H6PD: variants seen among roughly 807,000 people sequenced by gnomAD.
H6PD encodes GDH/6PGL endoplasmic bifunctional protein.
Under a neutral mutation model 61.2 loss-of-function variants are expected in H6PD, and 48 were observed. That is an observed-to-expected ratio of 0.78 (90% CI 0.62 to 1.00). H6PD has a LOEUF of 1.00. Ranked by LOEUF, H6PD falls within the 50% of genes least tolerant of loss-of-function variation. The pLI, the probability that H6PD is intolerant of heterozygous loss-of-function variation, is 0.00. For synonymous variants in H6PD, 480 were observed against 457.9 expected, an observed-to-expected ratio of 1.05 and a Z score of -0.62; for missense variants, 1,093 against 1,065.0, an observed-to-expected ratio of 1.03 and a Z score of -0.37.
chr1:9,264,408 CA>C lies in H6PD; in HGVS notation c.1916del (p.His639ProfsTer80). On this transcript the variant is annotated frameshift_variant, in exon 5 of 5. Transcript: ENST00000377403. LOFTEE classifies it high-confidence loss of function. ...GTCCAACTTCCAGGGCCTGCAGGCCCACCTGCTGCAGCACGTCCGGATCCCC... is the reference window on the plus strand; with the variant it reads ...GTCCAACTTCCAGGGCCTGCAGGCCCCCTGCTGCAGCACGTCCGGATCCCC... ...PESNFQGLQA[H>X]LLQHVRIPYY... 6.2e-7 allele frequency: 1 copy of C among 1,612,968 alleles called. No homozygotes were observed. Among genetic ancestry groups the C allele is most frequent in the Non-Finnish European group, 8.5e-7 (1 of 1,179,832 alleles).
rs981951648 is a variant in H6PD at position 9,244,923 on chromosome 1, A to G, written c.-10-2A>G. On this transcript the variant is annotated splice_acceptor_variant, in intron 1 of 4. Transcript: ENST00000377403. LOFTEE classifies it low-confidence loss of function (5UTR_SPLICE). ...CCTCGTCTGTCTCTCTTTGCACCCC[A>G]GGCACCCAGGCATGTGGAATATGCT... The G allele has an allele frequency of 1.7e-6, 2 of 1,182,534 alleles. No individual in the cohort carries two copies. Among genetic ancestry groups the G allele is most frequent in the African/African-American group, 1.4e-5 (1 of 70,908 alleles). The allele number at this position is 1,182,534 out of a possible 1,614,324, so 73.3% of individuals were successfully genotyped here.
Position 9,247,015 on chromosome 1 carries a change from A to G in H6PD, c.677A>G (p.Asp226Gly), listed in dbSNP as rs1451981142. ...PFRDQNRKAL[D>G]GLWNRHHVER... ...CGAGACCAGAACCGCAAGGCTTTGG[A>G]CGGCCTCTGGAACCGGCACCATGTG... The change falls in exon 3 of 5, where the codon GAC becomes GGC. Residue 226 changes from aspartate to glycine, a missense_variant. By Grantham distance (94) the Asp-to-Gly change is moderately conservative. Transcript: ENST00000377403. The G allele has an allele frequency of 5.0e-6, 8 of 1,613,772 alleles. No individual in the cohort carries two copies. In the South Asian group the frequency reaches 8.8e-5, roughly 18 times the overall value.
At chr1:9,244,079 C>A (rs1641085519) in intron 1 of H6PD, among the ~76,000 whole-genome samples, 4 of 152,176 alleles carry the variant, frequency 2.6e-5, no homozygotes, top group Admixed American at 2.6e-4. Flanking sequence ...CCATGTGGTT[C>A]TTTCAGGATT....
rs1321439092 is a variant in H6PD at position 9,262,206 on chromosome 1, A to G, written c.893A>G (p.Gln298Arg). 3 of 1,614,028 alleles carry G rather than the reference A, an allele frequency of 1.9e-6. No homozygotes were observed. Among genetic ancestry groups the G allele is most frequent in the Admixed American group, 1.7e-5 (1 of 59,998 alleles). Reference sequence around the variant, plus strand: ...CTGCGGCACAAGCTTCAGGTCTTCCAGGCGCTGCGGGGCCTGCAGAGGGGC... The same window carrying G: ...CTGCGGCACAAGCTTCAGGTCTTCCGGGCGCTGCGGGGCCTGCAGAGGGGC... ...AVLRHKLQVF[Q>R]ALRGLQRGSA... Residue 298 changes from glutamine to arginine, a missense_variant, in exon 4 of 5, where the codon CAG (glutamine) becomes CGG (arginine). Transcript: ENST00000377403.
chr1:9,241,946 T>C (rs1427120468), intron 1 of H6PD, among the ~76,000 whole-genome samples: 1 of 152,256 alleles, frequency 6.6e-6, no homozygotes, highest in Non-Finnish European at 1.5e-5. Context: ...TTAAGTCATC[T>C]GGCACACGCC....
rs1394420510 is a variant in H6PD, at chr1:9,265,255, C to T, written c.*386C>T. The T allele has an allele frequency of 5.4e-6, 2 of 367,292 alleles. No individual in the cohort carries two copies. The highest frequency in any genetic ancestry group is 1.1e-5 in the Non-Finnish European group (2 of 190,350). The allele number at this position is 367,292 out of a possible 1,614,324, so 22.8% of individuals were successfully genotyped here. On this transcript the variant is annotated 3_prime_UTR_variant, in exon 5 of 5. Coordinates refer to ENST00000377403, the MANE Select transcript of H6PD (RefSeq NM_004285.4). ...GGCTGAGGTTAATCAGGGAAGGTTT[C>T]CTGGGGGAGGTGATCCTTGAACTGG...
At chr1:9,244,320 A>G (rs1641094953) in intron 1 of H6PD, among the ~76,000 whole-genome samples, 2 of 152,222 alleles carry the variant, frequency 1.3e-5, no homozygotes, top group Admixed American at 1.3e-4. Flanking sequence ...CAGCCAGGTT[A>G]AATAATTGTG....
At chr1:9,241,080 C>T (rs1047109594) in intron 1 of H6PD, among the ~76,000 whole-genome samples, 2 of 152,162 alleles carry the variant, frequency 1.3e-5, no homozygotes, top group Non-Finnish European at 2.9e-5. Flanking sequence ...GTTGGTTCTC[C>T]AGTGCTGTCT....
chr1:9,264,527 AG>A lies in H6PD; in HGVS notation c.2035del (p.Ala679ProfsTer40). The A allele has an allele frequency of 6.2e-7, 1 of 1,613,148 alleles. No homozygotes were observed. Among genetic ancestry groups the A allele is most frequent in the South Asian group, 1.1e-5 (1 of 91,072 alleles). ...GAQIYAREIS[A>X]LVANSSFDLV... is the part of the protein sequence containing the mutation. ...CCCAGATCTATGCCAGGGAGATCTC[AG>A]CCCTGGTGGCCAACAGCAGCTTCGA... is the stretch of plus-strand genomic sequence containing the variant. On this transcript the variant is annotated frameshift_variant, in exon 5 of 5. Transcript: ENST00000377403. LOFTEE classifies it high-confidence loss of function.
In H6PD at chr1:9,267,394, T is replaced by A. The variant is rs1055544271; in HGVS notation, c.*2525T>A. ...CTCCCAGGGTACCTGGCCCCAGCAC[T>A]CTCCCATCTGTTCTTCAGGAACCGA... On this transcript the variant is annotated 3_prime_UTR_variant, in exon 5 of 5. Transcript: ENST00000377403. 1 of 152,072 alleles carries A rather than the reference T, an allele frequency of 6.6e-6. No individual in the cohort carries two copies. The highest frequency in any genetic ancestry group is 6.6e-5 in the Admixed American group (1 of 15,252). The allele number at this position is 152,072 out of a possible 1,614,324, so 9.4% of individuals were successfully genotyped here.
Position 9,263,550 on chromosome 1 carries a change from C to T in H6PD, c.1057C>T (p.Pro353Ser). The change falls in exon 5 of 5, where the codon CCT (proline) becomes TCT (serine). Residue 353 changes from proline to serine, a missense_variant. Coordinates refer to ENST00000377403, the MANE Select transcript of H6PD (RefSeq NM_004285.4). ...HIDNLRWEGV[P>S]FILMSGKALD... ...TGACAACCTTCGCTGGGAGGGCGTG[C>T]CTTTCATCCTGATGTCTGGCAAAGC... The T allele has an allele frequency of 6.2e-7, 1 of 1,614,154 alleles. No homozygotes were observed. Among genetic ancestry groups the T allele is most frequent in the South Asian group, 1.1e-5 (1 of 91,086 alleles).
chr1:9,266,840 T>C lies in H6PD; in HGVS notation c.*1971T>C, dbSNP rs1433499670. 6.6e-6 allele frequency: 1 copy of C among 152,216 alleles called. No individual in the cohort carries two copies. The highest frequency in any genetic ancestry group is 1.9e-4 in the East Asian group (1 of 5,180). The allele number at this position is 152,216 out of a possible 1,614,324, so 9.4% of individuals were successfully genotyped here. On this transcript the variant is annotated 3_prime_UTR_variant, in exon 5 of 5. Coordinates refer to ENST00000377403, the MANE Select transcript of H6PD (RefSeq NM_004285.4). ...AGACAGAGCATCTCTTTTTTTTTTT[T>C]TTGAGACAGAGTCTCTGTCGCCCAG...
rs75542812 is a variant in H6PD, at chr1:9,255,981, T to C, written c.746-6078T>C. Among the ~76,000 whole-genome samples, 287 of 152,368 alleles carry C rather than the reference T, an allele frequency of 1.9e-3. 2 individuals carry two copies. The highest frequency in any genetic ancestry group is 6.5e-3 in the African/African-American group (270 of 41,582). ...AAGGGAAATGTTTTGGTGGTAAGAA[T>C]TGCAGGCTCTGGGTCGAACTGCCTG... is the stretch of plus-strand genomic sequence containing the variant. On this transcript the variant is annotated intron_variant, in intron 3 of 4. Transcript: ENST00000377403.
chr1:9,263,273 G>T (rs1293157749), intron 4 of H6PD, among the ~76,000 whole-genome samples: 2 of 152,160 alleles, frequency 1.3e-5, no homozygotes, highest in Non-Finnish European at 2.9e-5. Flanking sequence ...CTCTAAGAGG[G>T]GCCTCAATGA....
chr1:9,251,408 C>G (rs1641357110), intron 3 of H6PD, among the ~76,000 whole-genome samples: 1 of 151,754 alleles, frequency 6.6e-6, no homozygotes, highest in Admixed American at 6.6e-5. Flanking sequence ...CCTTGCTGCC[C>G]TAGTTTCCCC....
chr1:9,237,752 C>CA (rs1467560573), intron 1 of H6PD, among the ~76,000 whole-genome samples: 1 of 152,168 alleles, frequency 6.6e-6, no homozygotes, highest in Non-Finnish European at 1.5e-5. Context: ...TGTGCTGTGT[C>CA]ACAGTGCTTG....
chr1:9,235,915 G>A (rs998538094), intron 1 of H6PD, among the ~76,000 whole-genome samples: 1 of 152,178 alleles, frequency 6.6e-6, no homozygotes, highest in Non-Finnish European at 1.5e-5. Flanking sequence ...CCCAGACAGC[G>A]TATTTTAAAT....
At chr1:9,237,309 T>C (rs1640880687) in intron 1 of H6PD, among the ~76,000 whole-genome samples, 1 of 137,802 alleles carries the variant, frequency 7.3e-6, no homozygotes, top group South Asian at 2.5e-4. Context: ...CTCAGCTCAC[T>C]GCAACGTTCG....
At chr1:9,238,633 A>G (rs1286987312) in intron 1 of H6PD, among the ~76,000 whole-genome samples, 2 of 152,236 alleles carry the variant, frequency 1.3e-5, no homozygotes, top group East Asian at 3.8e-4. Context: ...TAATGGGGAA[A>G]GCTACATTGG....
Sources: allele counts gnomAD v4.1 joint callset (sites outside exome capture counted in the v4.1 genomes callset), GRCh38; gene constraint gnomAD v4.1.1; transcripts MANE v1.5; gene names NCBI Gene and HGNC (gene_info 2026-07-23, HGNC 2026-07-21).